Variants in NFIB observed in about 807,000 individuals in gnomAD.
NFIB encodes the protein nuclear factor 1 B-type.
NFIB carries 11 observed loss-of-function variants against 61.5 expected under a neutral mutation model. The ratio of observed to expected loss-of-function variants is 0.18; its 90% CI spans 0.11 to 0.30. The LOEUF (loss-of-function observed/expected upper bound fraction) is 0.30. NFIB is among the 10% of genes least tolerant of loss of function. The pLI, the probability that NFIB is intolerant of heterozygous loss-of-function variation, is 1.00. For missense variants in NFIB, 471 were observed against 608.9 expected, an observed-to-expected ratio of 0.77 and a Z score of 2.38; for synonymous variants, 260 against 216.5, an observed-to-expected ratio of 1.20 and a Z score of -1.76.
intron 2 of NFIB, among the ~76,000 whole-genome samples, chr9:14,279,571 A>G (rs1050703052): frequency 1.3e-5 from 2 of 152,204 alleles, no homozygotes; most frequent in Non-Finnish European, 2.9e-5. Flanking sequence ...TACTTCAGAC[A>G]ATAAAACATA....
chr9:14,145,151 A>T (rs946419875), intron 6 of NFIB, among the ~76,000 whole-genome samples: 1 of 151,470 alleles, frequency 6.6e-6, no homozygotes, highest in Non-Finnish European at 1.5e-5. Context: ...CACAGTCAAA[A>T]CTCTCCAGTT....
In NFIB at chr9:14,187,804, C is replaced by CA. The variant is rs919337073; in HGVS notation, c.563-8025dup. ...AATCATATTATCAAAAATCATATAT[C>CA]AAAAAAAATCAAAGCAAATCATTCT... On this transcript the variant is annotated intron_variant, in intron 2 of 10. Transcript: ENST00000380953. Among the ~76,000 whole-genome samples, 4 of 151,950 alleles carry CA rather than the reference C, an allele frequency of 2.6e-5. No homozygotes were observed. In the South Asian group the frequency reaches 6.2e-4, roughly 24 times the overall value.
chr9:14,307,515 T>C lies in NFIB; in HGVS notation c.36A>G (p.Glu12=), dbSNP rs780518595. 3 of 1,600,236 alleles carry C rather than the reference T, an allele frequency of 1.9e-6. No homozygotes were observed. In the Admixed American group the frequency reaches 5.1e-5, roughly 27 times the overall value. Reference sequence around the variant, plus strand: ...GAAGTGCCTCGATGAATGGGTGAAATTCATCCTGTGGAAGACAGAGGGGTG... The same window carrying C: ...GAAGTGCCTCGATGAATGGGTGAAACTCATCCTGTGGAAGACAGAGGGGTG... The part of the protein sequence containing the change: ...MYSPICLTQD[E]FHPFIEALLP... Residue 12 remains glutamate (E), a synonymous_variant, in exon 2 of 11, where the codon GAA becomes GAG. Transcript: ENST00000380953. This position sits in a 1 kb window ranked among gnomAD's most constrained non-coding sequence, Gnocchi z 5.3.
At chr9:14,316,130 G>A (rs2060533947), upstream of NFIB, among the ~76,000 whole-genome samples, 1 of 152,208 alleles carries the variant, frequency 6.6e-6, no homozygotes, top group Non-Finnish European at 1.5e-5. Context: ...CACCAAGTGG[G>A]AGTTATCCAC....
rs9792634 is a variant in NFIB at position 14,231,356 on chromosome 9, T to C, written c.563-51576A>G. Among the ~76,000 whole-genome samples, 6,407 of 151,340 alleles carry C rather than the reference T, an allele frequency of 0.042. 793 individuals carry two copies. In the East Asian group the frequency reaches 0.49, roughly 12 times the overall value. On this transcript the variant is annotated intron_variant, in intron 2 of 10. Transcript: ENST00000380953. ...AGAGAGGGAGAGAGAGGCAGTCCTG[T>C]CAGAGGGCTGACTGTAAAAGAATGG...
chr9:14,478,802 T>A, the NFIB span, among the ~76,000 whole-genome samples: 1 of 152,194 alleles, frequency 6.6e-6, no homozygotes, highest in Non-Finnish European at 1.5e-5. Flanking sequence ...TATTTTCACA[T>A]TGCTATGAGT....
chr9:14,309,009 A>C (rs1215669909), intron 1 of NFIB, among the ~76,000 whole-genome samples: 1 of 152,188 alleles, frequency 6.6e-6, no homozygotes, highest in Non-Finnish European at 1.5e-5. Flanking sequence ...CCAAGATTTG[A>C]AGCAAATGAG....
At chr9:14,411,394 C>T in the NFIB span, among the ~76,000 whole-genome samples, 1 of 152,162 alleles carries the variant, frequency 6.6e-6, no homozygotes, top group Non-Finnish European at 1.5e-5. Flanking sequence ...AGATAAAGCT[C>T]CTCATGCAGG....
intron 2 of NFIB, among the ~76,000 whole-genome samples, chr9:14,262,879 T>C (rs76687898): frequency 0.014 from 2,155 of 152,246 alleles, 49 homozygotes; most frequent in African/African-American, 0.05. Context: ...TCTGGTCCTT[T>C]TTCTAGTAAA....
intron 3 of NFIB, among the ~76,000 whole-genome samples, chr9:14,164,388 C>T (rs2044547263): frequency 6.6e-6 from 1 of 151,958 alleles, no homozygotes; most frequent in African/African-American, 2.4e-5. Context: ...CATATAGCTC[C>T]TAGGCTACAA....
At chr9:14,216,418 C>G (rs1423311564) in intron 2 of NFIB, among the ~76,000 whole-genome samples, 1 of 151,808 alleles carries the variant, frequency 6.6e-6, no homozygotes, top group Non-Finnish European at 1.5e-5. Context: ...TTGAGAAAGG[C>G]CGGAAGCAGG....
intron 3 of NFIB, among the ~76,000 whole-genome samples, chr9:14,165,729 A>C (rs1217981890): frequency 1.3e-5 from 2 of 152,192 alleles, no homozygotes; most frequent in Non-Finnish European, 2.9e-5. Flanking sequence ...GCCCTTAAAA[A>C]TGTAATCTGG....
chr9:14,343,746 G>A (rs1339516910), intron 1 of NFIB, among the ~76,000 whole-genome samples: 1 of 151,636 alleles, frequency 6.6e-6, no homozygotes, highest in Non-Finnish European at 1.5e-5. Flanking sequence ...CAAGAGAGAG[G>A]GAGTGAGAGA....
At chr9:14,140,894 C>T (rs908490957) in intron 6 of NFIB, among the ~76,000 whole-genome samples, 9 of 152,198 alleles carry the variant, frequency 5.9e-5, no homozygotes, top group East Asian at 3.9e-4. Context: ...ATGATCGTGC[C>T]GCTGCACTCC....
At position 14,091,052 on chromosome 9, in the gene NFIB, C is replaced by T. The variant is rs560024212; in HGVS notation, c.1468-2726G>A. Among the ~76,000 whole-genome samples the T allele has an allele frequency of 2.6e-3, 388 of 152,066 alleles. 2 individuals carry two copies. Among genetic ancestry groups the T allele is most frequent in the African/African-American group, 8.8e-3 (367 of 41,514 alleles). On this transcript the variant is annotated intron_variant, in intron 10 of 10. Transcript: ENST00000380953. ...ATGTTTATTTAAATCTTTCAAACCG[C>T]CCATCCTACATTATGACCATATCAA...
intron 1 of NFIB, among the ~76,000 whole-genome samples, chr9:14,382,545 G>T (rs1206281060): frequency 6.6e-6 from 1 of 152,162 alleles, no homozygotes; most frequent in Non-Finnish European, 1.5e-5. Context: ...GCTCAATAGG[G>T]AATTGTTTGG....
chr9:14,252,364 C>T (rs7849450), intron 2 of NFIB, among the ~76,000 whole-genome samples: 120,711 of 152,092 alleles, frequency 0.79, 48,072 homozygotes, highest in Non-Finnish European at 0.82. Context: ...TTTAAAGAGA[C>T]TAAATCTTTA....
the NFIB span, among the ~76,000 whole-genome samples, chr9:14,413,673 T>C: frequency 6.6e-6 from 1 of 152,078 alleles, no homozygotes. Flanking sequence ...TTAAGGCCTG[T>C]AGAAAAAAAG....
the NFIB span, among the ~76,000 whole-genome samples, chr9:14,531,326 T>C: frequency 6.6e-6 from 1 of 152,336 alleles, no homozygotes; most frequent in East Asian, 1.9e-4. Context: ...CACATTTGCC[T>C]GAGCAAAGAA....
Sources: allele counts gnomAD v4.1 joint callset (sites outside exome capture counted in the v4.1 genomes callset), GRCh38; gene constraint gnomAD v4.1.1; non-coding constraint Gnocchi (gnomAD v3.1); transcripts MANE v1.5; gene names NCBI Gene and HGNC (gene_info 2026-07-23, HGNC 2026-07-21).